Variants in MBNL1 observed in about 807,000 individuals in gnomAD.
MBNL1 encodes the protein muscleblind like splicing regulator 1.
MBNL1 carries 8 observed loss-of-function variants against 42.2 expected under a neutral mutation model. The ratio of observed to expected loss-of-function variants is 0.19; its 90% CI spans 0.11 to 0.34. The LOEUF (loss-of-function observed/expected upper bound fraction) is 0.34. MBNL1 is among the 10% of genes least tolerant of loss of function. MBNL1 has a pLI of 1.00. For synonymous variants in MBNL1, 169 were observed against 173.9 expected (o/e 0.97, Z 0.22); for missense variants, 309 against 495.3 (o/e 0.62, Z 3.57).
At chr3:152,301,038 A>C (rs1056064236) in intron 2 of MBNL1, 7 of 382,896 alleles carry the variant, frequency 1.8e-5, no homozygotes, top group African/African-American at 1.3e-4. Context: ...CCAGCTTCAA[A>C]AATTCTAATG....
chr3:152,345,050 A>C (rs976428992), intron 2 of MBNL1, among the ~76,000 whole-genome samples: 13 of 152,086 alleles, frequency 8.5e-5, no homozygotes, highest in African/African-American at 3.1e-4. Context: ...CCATTTGGGC[A>C]TGAAAACGTT....
intron 2 of MBNL1, among the ~76,000 whole-genome samples, chr3:152,371,230 A>G (rs1296742651): frequency 6.6e-6 from 1 of 152,128 alleles, no homozygotes; most frequent in Non-Finnish European, 1.5e-5. Context: ...TTTTCTGTGA[A>G]GGATTTTATT....
intron 2 of MBNL1, among the ~76,000 whole-genome samples, chr3:152,327,547 C>G (rs2081192722): frequency 6.6e-6 from 1 of 151,290 alleles, no homozygotes; most frequent in Non-Finnish European, 1.5e-5. Context: ...GGGGTTTCAC[C>G]CATGTTGGCC....
At chr3:152,345,794 G>C (rs1450667371) in intron 2 of MBNL1, among the ~76,000 whole-genome samples, 1 of 152,022 alleles carries the variant, frequency 6.6e-6, no homozygotes, top group African/African-American at 2.4e-5. Context: ...GCCGTTTACT[G>C]GTTGTGTTAC....
At position 152,445,288 on chromosome 3, in the gene MBNL1, C is replaced by T; in HGVS notation, c.556C>T (p.Arg186Ter). The T allele has an allele frequency of 6.2e-7, 1 of 1,613,326 alleles. No homozygotes were observed. The highest frequency in any genetic ancestry group is 8.5e-7 in the Non-Finnish European group (1 of 1,179,560). Reference sequence around the variant, plus strand: ...GTACTTAATGACCTCATAGGTATGTCGAGAGTACCAACGTGGCAATTGCAA... The same window carrying T: ...GTACTTAATGACCTCATAGGTATGTTGAGAGTACCAACGTGGCAATTGCAA... ...LMRTDRLEVCREYQRGNCNRG... is the reference protein window; with the variant it reads ...LMRTDRLEVC Residue 186 changes from arginine (R) to a stop codon, truncating the protein, a stop_gained, in exon 5 of 10, where the codon CGA becomes TGA. Coordinates refer to ENST00000324210, the MANE Select transcript of MBNL1 (RefSeq NM_021038.5). LOFTEE classifies it high-confidence loss of function.
chr3:152,286,444 TTTATTTATAATATAAA>T (rs1331552203), intron 1 of MBNL1, among the ~76,000 whole-genome samples: 2 of 82,812 alleles, frequency 2.4e-5, no homozygotes, highest in East Asian at 4.2e-4. Flanking sequence ...ATATTTATAT[TTTATTTATAATATAAA>T]TATATTTTAT....
intron 2 of MBNL1, among the ~76,000 whole-genome samples, chr3:152,346,974 G>A (rs2094364112): frequency 6.6e-6 from 1 of 151,510 alleles, no homozygotes; most frequent in Non-Finnish European, 1.5e-5. Context: ...AGTCCAGAAG[G>A]TGGAGACAAG....
intron 1 of MBNL1, among the ~76,000 whole-genome samples, chr3:152,276,870 C>A (rs983228224): frequency 3.7e-4 from 57 of 152,038 alleles, no homozygotes; most frequent in African/African-American, 1.3e-3. Context: ...TGTGGTTATA[C>A]AGAACAGAGA....
chr3:152,324,836 G>A (rs2078545395), intron 2 of MBNL1, among the ~76,000 whole-genome samples: 1 of 152,030 alleles, frequency 6.6e-6, no homozygotes, highest in Non-Finnish European at 1.5e-5. Context: ...GGATTGATGT[G>A]AGGTTGAATA....
chr3:152,309,885 G>GC (rs1259622238), intron 2 of MBNL1, among the ~76,000 whole-genome samples: 1 of 152,122 alleles, frequency 6.6e-6, no homozygotes, highest in Non-Finnish European at 1.5e-5. Context: ...GTGATTATAA[G>GC]CTTTCGAGCT....
intron 4 of MBNL1, among the ~76,000 whole-genome samples, chr3:152,434,222 G>A (rs1167046104): frequency 6.6e-6 from 1 of 152,054 alleles, no homozygotes; most frequent in African/African-American, 2.4e-5. Flanking sequence ...CCCTCAAATA[G>A]GCCCTAACAT....
intron 7 of MBNL1, among the ~76,000 whole-genome samples, chr3:152,456,061 T>A (rs1733066013): frequency 6.6e-6 from 1 of 152,150 alleles, no homozygotes; most frequent in Non-Finnish European, 1.5e-5. Context: ...CCCCTTTTTT[T>A]TCTCTTTCAT....
intron 2 of MBNL1, among the ~76,000 whole-genome samples, chr3:152,385,115 G>GAT: frequency 6.6e-6 from 1 of 152,158 alleles, no homozygotes; most frequent in East Asian, 1.9e-4. Flanking sequence ...TTTGAGATGT[G>GAT]ATTTGCATCT....
intron 1 of MBNL1, among the ~76,000 whole-genome samples, chr3:152,282,858 A>G (rs1029483345): frequency 2.0e-5 from 3 of 152,232 alleles, no homozygotes; most frequent in Non-Finnish European, 4.4e-5. Flanking sequence ...ATAGCATCAC[A>G]AAATAATACG....
intron 5 of MBNL1, among the ~76,000 whole-genome samples, chr3:152,445,754 T>C (rs1281474148): frequency 2.0e-5 from 3 of 152,220 alleles, no homozygotes; most frequent in Non-Finnish European, 2.9e-5. Flanking sequence ...TTGGCCTAAC[T>C]CTTAATCTGT....
In MBNL1 at chr3:152,435,821, C is replaced by A. The variant is rs971242315; in HGVS notation, c.549+2901C>A. On this transcript the variant is annotated intron_variant, in intron 4 of 9. Transcript: ENST00000324210. ...TTTGTGGCAATTGTGAATGGGAATG[C>A]ACTCCTGATTTGGCTCTCGGCTTGG... Among the ~76,000 whole-genome samples the A allele has an allele frequency of 3.3e-5, 5 of 152,170 alleles. No individual in the cohort carries two copies. In the East Asian group the frequency reaches 9.6e-4, roughly 29 times the overall value.
chr3:152,359,639 A>T (rs1301714520), intron 2 of MBNL1, among the ~76,000 whole-genome samples: 1 of 152,226 alleles, frequency 6.6e-6, no homozygotes, highest in Non-Finnish European at 1.5e-5. Flanking sequence ...AGATTTGAGA[A>T]TCCCAGGATT....
intron 2 of MBNL1, among the ~76,000 whole-genome samples, chr3:152,390,131 G>T (rs559826033): frequency 1.4e-4 from 21 of 149,250 alleles, no homozygotes; most frequent in Non-Finnish European, 2.1e-4. Context: ...GCCTCCCAAA[G>T]AACTTTTTTA....
chr3:152,300,235 A>G lies in MBNL1; in HGVS notation c.42A>G (p.Leu14=), dbSNP rs867524518. The stretch of plus-strand genomic sequence containing the variant: ...CACCAATTCGGGACACAAAATGGCT[A>G]ACACTGGAAGTATGTAGAGAGTTCC... ...SVTPIRDTKW[L]TLEVCREFQR... is the part of the protein sequence containing the mutation. The change falls in exon 2 of 10, where the codon CTA becomes CTG. Residue 14 remains leucine, a synonymous_variant. Transcript: ENST00000324210. 3 of 1,612,220 alleles carry G rather than the reference A, an allele frequency of 1.9e-6. No individual in the cohort carries two copies. Among genetic ancestry groups the G allele is most frequent in the South Asian group, 2.2e-5 (2 of 90,754 alleles).
Sources: gnomAD v4.1 joint callset for allele counts (sites outside exome capture counted in the v4.1 genomes callset) on GRCh38, gnomAD v4.1.1 for gene constraint, MANE v1.5 for transcripts, NCBI Gene and HGNC (gene_info 2026-07-23, HGNC 2026-07-21) for gene names.